Variants in SAMD4A observed in about 807,000 individuals in gnomAD.
SAMD4A encodes the protein protein Smaug homolog 1.
SAMD4A carries 33 observed loss-of-function variants against 81.3 expected under a neutral mutation model. The ratio of observed to expected loss-of-function variants is 0.41; its 90% CI spans 0.31 to 0.54. The LOEUF is 0.54. Among genes scored for constraint, SAMD4A ranks in the 20% least tolerant of loss-of-function variants. SAMD4A has a pLI of 0.37. For synonymous variants in SAMD4A, 389 were observed against 382.1 expected (o/e 1.02, Z -0.21); for missense variants, 854 against 951.1 (o/e 0.90, Z 1.34).
intron 2 of SAMD4A, among the ~76,000 whole-genome samples, chr14:54,670,334 C>G (rs185336721): frequency 6.6e-6 from 1 of 152,300 alleles, no homozygotes; most frequent in African/African-American, 2.4e-5. Flanking sequence ...GTAAGGGTAG[C>G]TTTTCACATA....
At chr14:54,669,688 G>C (rs1373672404) in intron 2 of SAMD4A, among the ~76,000 whole-genome samples, 1 of 152,092 alleles carries the variant, frequency 6.6e-6, no homozygotes, top group East Asian at 1.9e-4. Context: ...AGGTATTGCT[G>C]TTCCTGCCTA....
intron 2 of SAMD4A, among the ~76,000 whole-genome samples, chr14:54,600,833 G>A (rs1260865686): frequency 3.3e-5 from 5 of 152,136 alleles, no homozygotes; most frequent in Non-Finnish European, 5.9e-5. Context: ...TCTGCAGGGC[G>A]GGTTAGTCAT....
intron 3 of SAMD4A, among the ~76,000 whole-genome samples, chr14:54,733,809 C>T (rs1212382874): frequency 4.6e-5 from 7 of 150,722 alleles, no homozygotes; most frequent in Non-Finnish European, 1.0e-4. Context: ...GTATTTACTA[C>T]TCTTCCTGCC....
chr14:54,668,371 C>G (rs2035799659), intron 2 of SAMD4A, among the ~76,000 whole-genome samples: 1 of 152,174 alleles, frequency 6.6e-6, no homozygotes, highest in Non-Finnish European at 1.5e-5. Context: ...GGGTACTTAT[C>G]ATAGAATCGC....
At chr14:54,601,406 T>C (rs1294678109) in intron 2 of SAMD4A, among the ~76,000 whole-genome samples, 1 of 152,220 alleles carries the variant, frequency 6.6e-6, no homozygotes, top group Admixed American at 6.5e-5. Context: ...GTATCACTTA[T>C]ATTATTGTCA....
chr14:54,638,927 A>G (rs1027868453), intron 2 of SAMD4A, among the ~76,000 whole-genome samples: 1 of 152,198 alleles, frequency 6.6e-6, no homozygotes, highest in African/African-American at 2.4e-5. Flanking sequence ...CCTAAATTAA[A>G]CAGGTTGGTT....
Position 54,755,851 on chromosome 14 carries a change from G to A in SAMD4A, c.1177-4310G>A, listed in dbSNP as rs114176578. Among the ~76,000 whole-genome samples the A allele has an allele frequency of 8.1e-3, 1,238 of 152,270 alleles. 14 individuals are homozygous for A. The highest frequency in any genetic ancestry group is 0.028 in the African/African-American group (1,165 of 41,530). On this transcript the variant is annotated intron_variant, in intron 6 of 12. Transcript: ENST00000554335. ...TCCATGTGCTTTTATTCACCATCCT[G>A]CCTTTTCAGTTCACTCTCAAACTGT...
intron 2 of SAMD4A, among the ~76,000 whole-genome samples, chr14:54,605,923 A>G (rs73269600): frequency 0.023 from 3,465 of 152,228 alleles, 126 homozygotes; most frequent in African/African-American, 0.079. Context: ...ATGCTTGCTA[A>G]ATAGTCAACA....
rs962453405 is a variant in SAMD4A, at chr14:54,793,173, G to A, written c.*4229G>A. On this transcript the variant is annotated 3_prime_UTR_variant, in exon 13 of 13. Coordinates refer to ENST00000554335, the MANE Select transcript of SAMD4A (RefSeq NM_015589.6). Reference sequence around the variant, plus strand: ...GTACAGTTTTCAAATGTTGTTACCAGTGAAACACCCTTGTGGTTTAAACTT... The same window carrying A: ...GTACAGTTTTCAAATGTTGTTACCAATGAAACACCCTTGTGGTTTAAACTT... 4.6e-5 allele frequency: 7 copies of A among 152,268 alleles called. No homozygotes were observed. Among genetic ancestry groups the A allele is most frequent in the African/African-American group, 2.4e-5 (1 of 41,530 alleles). The allele number at this position is 152,268 out of a possible 1,614,324, so 9.4% of individuals were successfully genotyped here. A position where few individuals can be genotyped will look rare whatever the true frequency, so the allele number is the denominator to read the frequency against.
intron 3 of SAMD4A, among the ~76,000 whole-genome samples, chr14:54,726,180 T>C (rs2037411466): frequency 6.6e-6 from 1 of 152,140 alleles, no homozygotes; most frequent in Non-Finnish European, 1.5e-5. Flanking sequence ...CTGCAGCTGA[T>C]TCACATTCAA....
chr14:54,634,463 C>T (rs1249925737), intron 2 of SAMD4A, among the ~76,000 whole-genome samples: 1 of 152,070 alleles, frequency 6.6e-6, no homozygotes, highest in African/African-American at 2.4e-5. Context: ...ACAAAGTTTC[C>T]ACGGGCCAGG....
chr14:54,615,757 T>C (rs539066449), intron 2 of SAMD4A, among the ~76,000 whole-genome samples: 156 of 149,462 alleles, frequency 1.0e-3, no homozygotes, highest in African/African-American at 3.5e-3. Context: ...TTAGTGACTT[T>C]CTTGAAATAG....
chr14:54,622,268 C>T (rs1425929397), intron 2 of SAMD4A, among the ~76,000 whole-genome samples: 1 of 152,184 alleles, frequency 6.6e-6, no homozygotes, highest in Non-Finnish European at 1.5e-5. Flanking sequence ...AAATGTCTGT[C>T]TTCCATTTGT....
chr14:54,779,465 A>C (rs1410817230), intron 11 of SAMD4A, among the ~76,000 whole-genome samples: 2 of 152,238 alleles, frequency 1.3e-5, no homozygotes, highest in African/African-American at 4.8e-5. Flanking sequence ...GGATGCTTTC[A>C]TTCTGTAAAC....
At chr14:54,755,529 A>G (rs1957357) in intron 6 of SAMD4A, among the ~76,000 whole-genome samples, 120,976 of 152,086 alleles carry the variant, frequency 0.8, 48,330 homozygotes, top group African/African-American at 0.85. Flanking sequence ...CTCGCCCAGA[A>G]GGTCGGGAGG....
chr14:54,625,176 C>T (rs2034715204), intron 2 of SAMD4A, among the ~76,000 whole-genome samples: 1 of 152,178 alleles, frequency 6.6e-6, no homozygotes, highest in Non-Finnish European at 1.5e-5. Flanking sequence ...ATTAGGCAAT[C>T]CCCAAAACTG....
At chr14:54,621,877 G>A (rs918614202) in intron 2 of SAMD4A, among the ~76,000 whole-genome samples, 11 of 152,182 alleles carry the variant, frequency 7.2e-5, no homozygotes, top group Non-Finnish European at 1.3e-4. Flanking sequence ...TGCCAGCAAA[G>A]CAGGAGGGGG....
intron 2 of SAMD4A, among the ~76,000 whole-genome samples, chr14:54,665,881 C>A (rs1366361983): frequency 6.6e-6 from 1 of 152,146 alleles, no homozygotes; most frequent in Non-Finnish European, 1.5e-5. Context: ...CAACCTGAAA[C>A]CCCATTTTCC....
At chr14:54,582,750 A>C (rs2033504691) in intron 2 of SAMD4A, among the ~76,000 whole-genome samples, 3 of 152,186 alleles carry the variant, frequency 2.0e-5, no homozygotes, top group Non-Finnish European at 4.4e-5. Context: ...CTTCTGTTAT[A>C]ATTGTACCTT....
Sources: gnomAD v4.1 joint callset for allele counts (sites outside exome capture counted in the v4.1 genomes callset) on GRCh38, gnomAD v4.1.1 for gene constraint, MANE v1.5 for transcripts, NCBI Gene and HGNC (gene_info 2026-07-23, HGNC 2026-07-21) for gene names.